The following CDRT4 variants were observed in gnomAD, a reference collection of about 807,000 sequenced individuals.
The protein encoded by CDRT4 is CMT1A duplicated region transcript 4 protein.
For missense variants in CDRT4, 167 were observed against 193.1 expected (o/e 0.87, Z 0.80); for synonymous variants, 64 against 69.6 (o/e 0.92, Z 0.40).
At chr17:15,456,606 A>G (rs768704339) in intron 1 of CDRT4, among the ~76,000 whole-genome samples, 2 of 150,746 alleles carry the variant, frequency 1.3e-5, no homozygotes, top group Non-Finnish European at 2.9e-5. Flanking sequence ...ACGGCTCAGG[A>G]GTAGGTTTCC....
At chr17:15,451,149 C>A (rs1370899218) in intron 2 of CDRT4, among the ~76,000 whole-genome samples, 1 of 152,118 alleles carries the variant, frequency 6.6e-6, no homozygotes, top group East Asian at 1.9e-4. Flanking sequence ...TTTTCCCGTG[C>A]TGTTCTTATG....
At chr17:15,448,234 T>C (rs963145849) in intron 2 of CDRT4, among the ~76,000 whole-genome samples, 1 of 152,152 alleles carries the variant, frequency 6.6e-6, no homozygotes, top group Non-Finnish European at 1.5e-5. Flanking sequence ...ATTTGAGATT[T>C]TACCTAGAAG....
At chr17:15,445,803 A>C (rs1000530934) in intron 2 of CDRT4, among the ~76,000 whole-genome samples, 3 of 152,130 alleles carry the variant, frequency 2.0e-5, no homozygotes, top group Admixed American at 2.0e-4. Flanking sequence ...CCAATCTGCA[A>C]GGCTTCTTTT....
intron 2 of CDRT4, among the ~76,000 whole-genome samples, chr17:15,451,901 A>G (rs2954777): frequency 0.21 from 31,809 of 152,192 alleles, 6,267 homozygotes; most frequent in East Asian, 0.48. Flanking sequence ...CATGACAGCG[A>G]TGATCTCATC....
chr17:15,466,402 G>A (rs996880310), intron 1 of CDRT4, among the ~76,000 whole-genome samples: 8 of 152,180 alleles, frequency 5.3e-5, no homozygotes, highest in African/African-American at 1.7e-4. Flanking sequence ...CTGCAGAAAC[G>A]AGTCTCTTCT....
chr17:15,441,329 A>G (rs902827329), intron 2 of CDRT4, among the ~76,000 whole-genome samples: 1 of 152,178 alleles, frequency 6.6e-6, no homozygotes, highest in Non-Finnish European at 1.5e-5. Flanking sequence ...GCAACCACAG[A>G]CACCCAGGTC....
intron 2 of CDRT4, among the ~76,000 whole-genome samples, chr17:15,449,466 T>C (rs1368500487): frequency 6.6e-6 from 1 of 152,062 alleles, no homozygotes; most frequent in African/African-American, 2.4e-5. Context: ...TGCTCCTCTA[T>C]CTCCAAGTCA....
rs141127109 is a variant in CDRT4, at chr17:15,450,979, A to T, written c.-48+2025T>A. On this transcript the variant is annotated intron_variant, in intron 2 of 3. Coordinates refer to ENST00000619038, the MANE Select transcript of CDRT4 (RefSeq NM_001204477.2). This position sits in a 1 kb window ranked among gnomAD's most constrained non-coding sequence, Gnocchi z 4.2. ...GACATCAACATCTACTAACTGAACT[A>T]CTGAACACCTGCTACTGGTCTCCCT... 6.6e-5 allele frequency among the ~76,000 whole-genome samples: 10 copies of T among 152,238 alleles called. No individual in the cohort carries two copies. The highest frequency in any genetic ancestry group is 1.9e-4 in the African/African-American group (8 of 41,542).
chr17:15,445,323 A>G (rs1051387789), intron 2 of CDRT4, among the ~76,000 whole-genome samples: 21 of 152,200 alleles, frequency 1.4e-4, no homozygotes, highest in African/African-American at 4.8e-4. Flanking sequence ...GAGTCGCCAC[A>G]TCTTCTAAAT....
chr17:15,453,935 C>T (rs1340454920), intron 1 of CDRT4, among the ~76,000 whole-genome samples: 1 of 152,134 alleles, frequency 6.6e-6, no homozygotes, highest in African/African-American at 2.4e-5. Flanking sequence ...GGGCAGAGGG[C>T]ACAGGGCACA....
intron 2 of CDRT4, among the ~76,000 whole-genome samples, chr17:15,446,526 C>A (rs902937809): frequency 6.6e-6 from 1 of 152,156 alleles, no homozygotes; most frequent in African/African-American, 2.4e-5. Context: ...CAATAATTTG[C>A]TGGACACGTC....
Position 15,450,510 on chromosome 17 carries a change from G to A in CDRT4, c.-48+2494C>T, listed in dbSNP as rs1262569045. ...CCACCTGGTTTCCATGATGCCACAG[G>A]AGTGGAATCCCACCATCACTCAGCA... On this transcript the variant is annotated intron_variant, in intron 2 of 3. Coordinates refer to ENST00000619038, the MANE Select transcript of CDRT4 (RefSeq NM_001204477.2). The surrounding 1 kb of genome is among the most constrained non-coding windows in gnomAD (Gnocchi z 4.2). Among the ~76,000 whole-genome samples the A allele has an allele frequency of 6.6e-6, 1 of 151,728 alleles. No homozygotes were observed. The highest frequency in any genetic ancestry group is 1.5e-5 in the Non-Finnish European group (1 of 67,992).
At chr17:15,448,351 T>C (rs1429193113) in intron 2 of CDRT4, among the ~76,000 whole-genome samples, 1 of 152,192 alleles carries the variant, frequency 6.6e-6, no homozygotes, top group African/African-American at 2.4e-5. Context: ...AGGGAATCAC[T>C]CATGTGCTCT....
chr17:15,450,144 A>G lies in CDRT4; in HGVS notation c.-48+2860T>C, dbSNP rs1979198736. ...TTTAAGAAATTTTCATACTTTTTTC[A>G]ATAGAAGTTAAATATTTTATATTCC... is the stretch of plus-strand genomic sequence containing the variant. On this transcript the variant is annotated intron_variant, in intron 2 of 3. Transcript: ENST00000619038. The surrounding 1 kb of genome is among the most constrained non-coding windows in gnomAD (Gnocchi z 4.2). Among the ~76,000 whole-genome samples the G allele has an allele frequency of 6.6e-6, 1 of 152,164 alleles. No individual in the cohort carries two copies. The highest frequency in any genetic ancestry group is 1.5e-5 in the Non-Finnish European group (1 of 68,026).
At chr17:15,449,225 G>A (rs1003318885) in intron 2 of CDRT4, among the ~76,000 whole-genome samples, 2 of 152,194 alleles carry the variant, frequency 1.3e-5, no homozygotes, top group Non-Finnish European at 2.9e-5. Context: ...GCCGTGTGGT[G>A]TGACCAGGGC....
intron 2 of CDRT4, among the ~76,000 whole-genome samples, chr17:15,449,643 G>C (rs781353504): frequency 3.3e-5 from 5 of 152,038 alleles, no homozygotes; most frequent in Non-Finnish European, 5.9e-5. Context: ...TGGGATCCTG[G>C]TGAACCCATC....
chr17:15,442,612 T>G (rs572496204), intron 2 of CDRT4, among the ~76,000 whole-genome samples: 1 of 152,260 alleles, frequency 6.6e-6, no homozygotes, highest in South Asian at 2.1e-4. Context: ...GTTTCCAGAC[T>G]TGTGTGCATC....
At chr17:15,443,678 G>C (rs190420609) in intron 2 of CDRT4, 8 of 414,480 alleles carry the variant, frequency 1.9e-5, no homozygotes, top group Admixed American at 1.2e-4. Flanking sequence ...TAACATTCTA[G>C]AAAATGTCAA....
In CDRT4 at chr17:15,436,286, T is replaced by C. The variant is rs1567606810; in HGVS notation, c.*1487A>G. 1 of 152,244 alleles carries C rather than the reference T, an allele frequency of 6.6e-6. No homozygotes were observed. The highest frequency in any genetic ancestry group is 6.5e-5 in the Admixed American group (1 of 15,294). 9.4% of individuals were successfully genotyped at this position (152,244 alleles called of 1,614,324 possible). A position where few individuals can be genotyped will look rare whatever the true frequency, so the allele number is the denominator to read the frequency against. The stretch of plus-strand genomic sequence containing the variant: ...ACCCTTGAATGGAGAACATGCCTTG[T>C]AGGGCAAATTCAACTTTTCCAAATG... On this transcript the variant is annotated 3_prime_UTR_variant, in exon 4 of 4. Transcript: ENST00000619038.
Sources: gnomAD v4.1 joint callset for allele counts (sites outside exome capture counted in the v4.1 genomes callset) on GRCh38, gnomAD v4.1.1 for gene constraint, Gnocchi (gnomAD v3.1) non-coding constraint, MANE v1.5 for transcripts, NCBI Gene and HGNC (gene_info 2026-07-23, HGNC 2026-07-21) for gene names.